Variants in TM9SF2 observed in about 807,000 individuals in gnomAD.
TM9SF2 encodes transmembrane 9 superfamily member 2.
TM9SF2 carries 13 observed loss-of-function variants against 84.9 expected under a neutral mutation model. The ratio of observed to expected loss-of-function variants is 0.15; its 90% CI spans 0.10 to 0.24. TM9SF2 has a LOEUF of 0.24. Ranked by LOEUF, TM9SF2 falls within the 10% of genes least tolerant of loss-of-function variation. The pLI, the probability that TM9SF2 is intolerant of heterozygous loss-of-function variation, is 1.00. For synonymous variants in TM9SF2, 273 were observed against 285.8 expected (o/e 0.96, Z 0.45); for missense variants, 562 against 818.5 (o/e 0.69, Z 3.82).
intron 11 of TM9SF2, 140 bp downstream of exon 11, chr13:99,547,244 T>C: frequency 8.1e-7 from 1 of 1,229,852 alleles, no homozygotes; most frequent in Admixed American, 2.5e-5. Context: ...AGGAGCCTGC[T>C]TGGTGATTCC....
intron 5 of TM9SF2, 116 bp from the exon 6 acceptor site, chr13:99,537,623 T>C: frequency 1.2e-6 from 1 of 859,714 alleles, no homozygotes; most frequent in Non-Finnish European, 1.7e-6. Flanking sequence ...TGTGAAAGGC[T>C]TAAAATTCCA....
chr13:99,504,933 G>A (rs1179526226), intron 1 of TM9SF2, among the ~76,000 whole-genome samples: 2 of 152,192 alleles, frequency 1.3e-5, no homozygotes, highest in East Asian at 3.9e-4. Context: ...TCTCTATTAT[G>A]AATAGCTTTG....
At chr13:99,509,954 G>C (rs2147621) in intron 1 of TM9SF2, among the ~76,000 whole-genome samples, 84,517 of 151,954 alleles carry the variant, frequency 0.56, 24,443 homozygotes, top group East Asian at 0.7. Context: ...TCATTTATTT[G>C]ACCCTTCAGC....
chr13:99,546,958 T>A (rs1566571821), intron 10 of TM9SF2, 27 bp from the exon 11 acceptor site: 1 of 1,614,066 alleles, frequency 6.2e-7, no homozygotes, highest in Non-Finnish European at 8.5e-7. Flanking sequence ...TAATAACATG[T>A]ACAGCCTTTC....
intron 16 of TM9SF2, among the ~76,000 whole-genome samples, chr13:99,561,919 AGTGTC>A (rs1184010130): frequency 6.6e-6 from 1 of 152,232 alleles, no homozygotes; most frequent in Non-Finnish European, 1.5e-5. Context: ...TCATTGAAAG[AGTGTC>A]CCCATCTAGC....
In TM9SF2 at chr13:99,539,462, A is replaced by G; in HGVS notation, c.733A>G (p.Ile245Val). The G allele has an allele frequency of 6.2e-7, 1 of 1,612,428 alleles. No individual in the cohort carries two copies. The change falls in exon 7 of 17, where the codon ATA becomes GTA. Residue 245 changes from isoleucine to valine, a missense_variant. Around this residue, in one of 4 missense-constraint regions of TM9SF2, gnomAD observed 267 missense variants for 316.7 expected, o/e 0.84. Transcript: ENST00000376387. ...LEPKSFKHTHIDKPDCSGPPM... is the reference protein window; with the variant it reads ...LEPKSFKHTHVDKPDCSGPPM... ...TTCCCACAGCTTCAAACATACCCATATAGATAAACCAGACTGCTCAGGGCC... is the reference window on the plus strand; with the variant it reads ...TTCCCACAGCTTCAAACATACCCATGTAGATAAACCAGACTGCTCAGGGCC...
rs535842216 is a variant in TM9SF2 at position 99,539,210 on chromosome 13, AAAAAAAAAAAAG to A, written c.717-222_717-211del. Among the ~76,000 whole-genome samples, 495 of 137,146 alleles carry A rather than the reference AAAAAAAAAAAAG, an allele frequency of 3.6e-3. 5 individuals are homozygous for A. Among genetic ancestry groups the A allele is most frequent in the Non-Finnish European group, 4.5e-3 (292 of 65,168 alleles). 90.0% of individuals were successfully genotyped at this position (137,146 alleles called of 152,430 possible). A position where few individuals can be genotyped will look rare whatever the true frequency, so the allele number is the denominator to read the frequency against. ...GGGTAAGAGAGCAAGACCCTGTCCC[AAAAAAAAAAAAG>A]AAAAAAAAAAAGATTATTTAAATGC... On this transcript the variant is annotated intron_variant, in intron 6 of 16. Transcript: ENST00000376387.
At chr13:99,518,749 A>T (rs1178004931) in intron 2 of TM9SF2, among the ~76,000 whole-genome samples, 1 of 149,676 alleles carries the variant, frequency 6.7e-6, no homozygotes, top group Non-Finnish European at 1.5e-5. Flanking sequence ...GGCGTGTGCA[A>T]CCATGCCCAG....
At chr13:99,546,215 G>C (rs372474241) in intron 10 of TM9SF2, among the ~76,000 whole-genome samples, 6 of 152,250 alleles carry the variant, frequency 3.9e-5, no homozygotes, top group South Asian at 4.1e-4. Context: ...GAAACAATAG[G>C]GGGGGAAACA....
At chr13:99,545,265 G>A (rs1346027577) in intron 10 of TM9SF2, among the ~76,000 whole-genome samples, 2 of 152,086 alleles carry the variant, frequency 1.3e-5, no homozygotes, top group Non-Finnish European at 2.9e-5. Flanking sequence ...ATTTTCAAAT[G>A]TCTGGCACTG....
At chr13:99,531,376 T>C (rs1244068632) in intron 4 of TM9SF2, among the ~76,000 whole-genome samples, 1 of 152,188 alleles carries the variant, frequency 6.6e-6, no homozygotes, top group African/African-American at 2.4e-5. Context: ...GTCAGTATAT[T>C]AGATCACATT....
chr13:99,515,418 A>G (rs1484758156), intron 1 of TM9SF2, among the ~76,000 whole-genome samples: 25 of 152,228 alleles, frequency 1.6e-4, no homozygotes, highest in Admixed American at 1.6e-3. Flanking sequence ...CTGTATTGCT[A>G]CAATATCATG....
At chr13:99,540,869 C>A in intron 8 of TM9SF2, 76 bp downstream of exon 8, 1 of 1,278,008 alleles carries the variant, frequency 7.8e-7, no homozygotes, top group Non-Finnish European at 1.1e-6. Context: ...CATTTACTCT[C>A]AAATCCTCTC....
chr13:99,535,291 A>T (rs1450077587), intron 4 of TM9SF2, among the ~76,000 whole-genome samples: 1 of 152,178 alleles, frequency 6.6e-6, no homozygotes, highest in Non-Finnish European at 1.5e-5. Flanking sequence ...CTTTTATAAA[A>T]CCTAAATTGT....
intron 16 of TM9SF2, among the ~76,000 whole-genome samples, chr13:99,561,929 T>C (rs1252556722): frequency 1.3e-5 from 2 of 152,194 alleles, no homozygotes; most frequent in African/African-American, 4.8e-5. Context: ...AGTGTCCCCA[T>C]CTAGCATTCA....
At chr13:99,507,956 G>A (rs940902837) in intron 1 of TM9SF2, among the ~76,000 whole-genome samples, 8 of 152,168 alleles carry the variant, frequency 5.3e-5, no homozygotes, top group Non-Finnish European at 1.0e-4. Flanking sequence ...GGCATGGCCC[G>A]TGTGCCTTGT....
chr13:99,521,079 G>T (rs1274118510), intron 3 of TM9SF2, among the ~76,000 whole-genome samples: 1 of 151,872 alleles, frequency 6.6e-6, no homozygotes, highest in African/African-American at 2.4e-5. Context: ...TTCTCCTACT[G>T]TACAAAGAAC....
chr13:99,521,784 G>A (rs1427607954), intron 3 of TM9SF2, among the ~76,000 whole-genome samples: 1 of 152,052 alleles, frequency 6.6e-6, no homozygotes, highest in East Asian at 1.9e-4. Context: ...ATAGGTTACT[G>A]CAGCCTCAGA....
intron 1 of TM9SF2, among the ~76,000 whole-genome samples, chr13:99,508,440 CA>C (rs1566562093): frequency 1.3e-3 from 194 of 149,740 alleles, no homozygotes; most frequent in African/African-American, 2.7e-3. Context: ...CACACACACA[CA>C]CACCCCAGAG....
Sources: allele counts gnomAD v4.1 joint callset (sites outside exome capture counted in the v4.1 genomes callset), GRCh38; gene constraint gnomAD v4.1.1; regional missense constraint gnomAD v4.1.1; transcripts MANE v1.5; gene names NCBI Gene and HGNC (gene_info 2026-07-23, HGNC 2026-07-21).